C6orf132: variants seen among roughly 807,000 people sequenced by gnomAD.
C6orf132 encodes uncharacterized protein C6orf132.
A neutral mutation model predicts 65.3 loss-of-function variants in C6orf132; 43 were observed. The ratio of observed to expected loss-of-function variants is 0.66; its 90% CI spans 0.52 to 0.85. The LOEUF (loss-of-function observed/expected upper bound fraction) is 0.85. C6orf132 is among the 40% of genes least tolerant of loss of function. C6orf132 has a pLI of 0.00. For synonymous variants in C6orf132, 631 were observed against 654.1 expected (o/e 0.96, Z 0.54); for missense variants, 1,488 against 1,548.8 (o/e 0.96, Z 0.66).
intron 1 of C6orf132, among the ~76,000 whole-genome samples, chr6:42,141,380 C>A (rs538157571): frequency 1.3e-5 from 2 of 152,354 alleles, no homozygotes; most frequent in African/African-American, 2.4e-5. Context: ...CCTGCCCCCC[C>A]AACCTGGGCG....
intron 3 of C6orf132, 83 bp downstream of exon 3, chr6:42,110,133 A>G: frequency 8.9e-7 from 1 of 1,120,820 alleles, no homozygotes; most frequent in African/African-American, 1.6e-5. Flanking sequence ...CCAGCTGTGA[A>G]GATGAGCAGA....
intron 2 of C6orf132, among the ~76,000 whole-genome samples, chr6:42,115,443 G>A (rs1001471004): frequency 2.4e-4 from 36 of 151,568 alleles, no homozygotes; most frequent in Admixed American, 1.4e-3. Context: ...TCAGGAGATT[G>A]AGACCATCCT....
At chr6:42,133,413 C>T (rs1434086005) in intron 1 of C6orf132, among the ~76,000 whole-genome samples, 3 of 152,216 alleles carry the variant, frequency 2.0e-5, no homozygotes, top group Non-Finnish European at 4.4e-5. Context: ...AGGTTTTATG[C>T]TTGCCACATG....
chr6:42,132,856 C>CAAAAAAAAAAA (rs529784118), intron 1 of C6orf132, among the ~76,000 whole-genome samples: 1 of 91,816 alleles, frequency 1.1e-5, no homozygotes, highest in Non-Finnish European at 2.1e-5. Context: ...GACTCTGTCT[C>CAAAAAAAAAAA]AAAAAAAAAA....
At chr6:42,142,218 C>G in intron 1 of C6orf132, 82 bp downstream of exon 1, 3 of 1,442,698 alleles carry the variant, frequency 2.1e-6, no homozygotes, top group African/African-American at 1.4e-5. Flanking sequence ...CTCCCCTCCG[C>G]GCCTCCAGGA....
intron 2 of C6orf132, among the ~76,000 whole-genome samples, chr6:42,114,557 C>T (rs1766537755): frequency 6.6e-6 from 1 of 152,190 alleles, no homozygotes; most frequent in African/African-American, 2.4e-5. Flanking sequence ...AAATTGCTTC[C>T]CACCCAGGCA....
rs1562044734 is a variant in C6orf132, at chr6:42,142,435, T to G, written c.10A>C (p.Lys4Gln). 4 of 1,543,140 alleles carry G rather than the reference T, an allele frequency of 2.6e-6. No homozygotes were observed. The highest frequency in any genetic ancestry group is 2.4e-5 in the East Asian group (1 of 40,864). ...CTGAAGGTGCCCTGCACCGTCTGCT[T>G]CTTTTTCATGCTGCCGCAGCCCGCG... MKK[K>Q]QTVQGTFSKL... Residue 4 changes from lysine to glutamine, a missense_variant, in exon 1 of 5, where the codon AAG becomes CAG. Lys to Gln is a moderately conservative substitution (Grantham distance 53). Transcript: ENST00000341865.
At position 42,105,460 on chromosome 6, in the gene C6orf132, G is replaced by C; in HGVS notation, c.2452C>G (p.Gln818Glu). ...TGCCTGAGGAGTTCATCAGTGGGCT[G>C]GGCCGAGGCAGGAGGCTTGGCTGGC... The part of the protein sequence containing the change: ...GLPAKPPASA[Q>E]PTDELLRHPV... The change falls in exon 4 of 5, where the codon CAG (glutamine) becomes GAG (glutamate). Residue 818 changes from glutamine (Q) to glutamate (E), a missense_variant. By Grantham distance (29) the Gln-to-Glu change is conservative (BLOSUM62 2). Coordinates refer to ENST00000341865, the MANE Select transcript of C6orf132 (RefSeq NM_001164446.3). The C allele has an allele frequency of 1.3e-6, 2 of 1,534,296 alleles. No homozygotes were observed. Among genetic ancestry groups the C allele is most frequent in the Non-Finnish European group, 1.7e-6 (2 of 1,145,458 alleles).
In C6orf132 at chr6:42,103,758, G is replaced by A; in HGVS notation, c.*3C>T. 1 of 1,396,560 alleles carries A rather than the reference G, an allele frequency of 7.2e-7. No homozygotes were observed. 86.5% of individuals were successfully genotyped at this position (1,396,560 alleles called of 1,614,324 possible). On this transcript the variant is annotated 3_prime_UTR_variant, in exon 5 of 5. Coordinates refer to ENST00000341865, the MANE Select transcript of C6orf132 (RefSeq NM_001164446.3). ...TTGGAGTAGAGCTAAGAGAACCCCTGGCTCAGGAGGTGGCTTTCCGATGGG... is the reference window on the plus strand; with the variant it reads ...TTGGAGTAGAGCTAAGAGAACCCCTAGCTCAGGAGGTGGCTTTCCGATGGG...
chr6:42,126,079 TTTTG>T (rs1766758787), intron 2 of C6orf132, among the ~76,000 whole-genome samples: 1 of 148,092 alleles, frequency 6.8e-6, no homozygotes. Context: ...TCTGTTTTGT[TTTTG>T]TTTTTTGTTT....
intron 1 of C6orf132, among the ~76,000 whole-genome samples, chr6:42,133,536 T>C (rs1444717855): frequency 1.3e-5 from 2 of 152,114 alleles, no homozygotes; most frequent in Non-Finnish European, 2.9e-5. Context: ...CCTGGGGCAA[T>C]TCCAGCAGCC....
At chr6:42,115,267 G>A (rs1369319329) in intron 2 of C6orf132, among the ~76,000 whole-genome samples, 1 of 148,292 alleles carries the variant, frequency 6.7e-6, no homozygotes, top group African/African-American at 2.5e-5. Flanking sequence ...TCCAGCCTGG[G>A]CGACAGAGTA....
chr6:42,105,596 G>C lies in C6orf132; in HGVS notation c.2316C>G (p.His772Gln), dbSNP rs2127473139. ...CACGGCTGAGGCTGCTCTGGTGGCA[G>C]TGGGGCTTGTAGAGACATGGCACCT... ...GGEVPCLYKP[H>Q]CHQSSLSREV... The change falls in exon 4 of 5, where the codon CAC (histidine) becomes CAG (glutamine). Residue 772 changes from histidine (H) to glutamine (Q), a missense_variant. Transcript: ENST00000341865. The C allele has an allele frequency of 6.5e-7, 1 of 1,536,864 alleles. No individual in the cohort carries two copies. The highest frequency in any genetic ancestry group is 1.2e-5 in the South Asian group (1 of 84,070).
intron 1 of C6orf132, 54 bp from the exon 2 acceptor site, chr6:42,128,832 C>T: frequency 7.3e-7 from 1 of 1,373,416 alleles, no homozygotes; most frequent in Non-Finnish European, 1.0e-6. Context: ...GGCATCCGGC[C>T]ACCCAAGTTT....
chr6:42,113,976 A>T (rs1431277179), intron 2 of C6orf132, among the ~76,000 whole-genome samples: 1 of 152,192 alleles, frequency 6.6e-6, no homozygotes, highest in Non-Finnish European at 1.5e-5. Flanking sequence ...CAGAAAAGTG[A>T]AAAAATCGTG....
At chr6:42,126,360 G>A (rs1239735240) in intron 2 of C6orf132, 7 of 151,182 alleles carry the variant, frequency 4.6e-5, no homozygotes, top group African/African-American at 1.2e-4. Context: ...TTACAGGCAT[G>A]AGCCACCACA....
At chr6:42,130,758 C>T (rs1766838738) in intron 1 of C6orf132, among the ~76,000 whole-genome samples, 1 of 151,882 alleles carries the variant, frequency 6.6e-6, no homozygotes, top group African/African-American at 2.4e-5. Context: ...TAAAAACTTA[C>T]TGAGCATCTT....
intron 1 of C6orf132, among the ~76,000 whole-genome samples, chr6:42,138,999 T>A (rs76317016): frequency 0.052 from 7,870 of 152,112 alleles, 587 homozygotes; most frequent in African/African-American, 0.16. Context: ...GTAAAGAAAA[T>A]TTTTTTGCTC....
At chr6:42,128,071 C>A (rs1766792706) in intron 2 of C6orf132, among the ~76,000 whole-genome samples, 1 of 150,810 alleles carries the variant, frequency 6.6e-6, no homozygotes, top group Admixed American at 6.6e-5. Context: ...ACTACAGGTG[C>A]TTGCCACTAC....
Sources: allele counts gnomAD v4.1 joint callset (sites outside exome capture counted in the v4.1 genomes callset), GRCh38; gene constraint gnomAD v4.1.1; transcripts MANE v1.5; gene names NCBI Gene and HGNC (gene_info 2026-07-23, HGNC 2026-07-21).